The following SLC35F1 variants were observed in gnomAD, a reference collection of about 807,000 sequenced individuals.
The protein encoded by SLC35F1 is solute carrier family 35 member F1, also known as chromosome 6 open reading frame 169.
In SLC35F1, 14 loss-of-function variants were observed where a neutral mutation model predicts 48.7. That is an observed-to-expected ratio of 0.29 (90% CI 0.19 to 0.45). The LOEUF (loss-of-function observed/expected upper bound fraction) is 0.45, where lower values mean the gene tolerates loss of function less well. Ranked by LOEUF, SLC35F1 falls within the 20% of genes least tolerant of loss-of-function variation. The pLI is 1.00. For synonymous variants in SLC35F1, 190 were observed against 202.2 expected, an observed-to-expected ratio of 0.94 and a Z score of 0.51; for missense variants, 404 against 500.0, an observed-to-expected ratio of 0.81 and a Z score of 1.83.
At chr6:118,046,360 A>G (rs148493350) in intron 1 of SLC35F1, among the ~76,000 whole-genome samples, 17 of 152,268 alleles carry the variant, frequency 1.1e-4, no homozygotes, top group African/African-American at 2.4e-4. Flanking sequence ...GCTCCTTTAC[A>G]TACTTGTCTA....
At chr6:117,947,806 T>C (rs569732431) in intron 1 of SLC35F1, among the ~76,000 whole-genome samples, 1 of 152,106 alleles carries the variant, frequency 6.6e-6, no homozygotes, top group Non-Finnish European at 1.5e-5. Flanking sequence ...CAATTGAGTA[T>C]AGGAGTCTGG....
chr6:118,124,794 T>G (rs1447233841), intron 1 of SLC35F1, among the ~76,000 whole-genome samples: 1 of 152,178 alleles, frequency 6.6e-6, no homozygotes, highest in East Asian at 1.9e-4. Flanking sequence ...ATTCCATATA[T>G]TCTCACAGTA....
chr6:117,976,572 A>G (rs1320400959), intron 1 of SLC35F1, among the ~76,000 whole-genome samples: 1 of 152,192 alleles, frequency 6.6e-6, no homozygotes, highest in African/African-American at 2.4e-5. Flanking sequence ...ATATGTAAAT[A>G]TAAATGTTTA....
chr6:118,000,707 C>T (rs919638004), intron 1 of SLC35F1, among the ~76,000 whole-genome samples: 25 of 152,208 alleles, frequency 1.6e-4, no homozygotes, highest in African/African-American at 5.5e-4. Context: ...ACCCCATTGT[C>T]TCAGCTCAAA....
intron 1 of SLC35F1, among the ~76,000 whole-genome samples, chr6:118,033,080 T>G (rs1291237841): frequency 6.6e-6 from 1 of 152,178 alleles, no homozygotes. Flanking sequence ...AACATAATTA[T>G]TTTATTCAGC....
At chr6:118,280,089 TA>T (rs1246999307) in intron 6 of SLC35F1, among the ~76,000 whole-genome samples, 1 of 152,234 alleles carries the variant, frequency 6.6e-6, no homozygotes, top group Non-Finnish European at 1.5e-5. Context: ...ATAGAGCAAT[TA>T]AAAGCAAGAA....
At chr6:118,208,775 G>T (rs777802822) in intron 2 of SLC35F1, among the ~76,000 whole-genome samples, 3 of 152,052 alleles carry the variant, frequency 2.0e-5, no homozygotes, top group Non-Finnish European at 2.9e-5. Context: ...CAAGTGTGGC[G>T]CTGTGGCATG....
chr6:118,203,006 A>T (rs1445618293), intron 2 of SLC35F1, among the ~76,000 whole-genome samples: 2 of 152,222 alleles, frequency 1.3e-5, no homozygotes, highest in African/African-American at 4.8e-5. Context: ...AAAAAGCCTG[A>T]ACTAACATCT....
chr6:117,929,641 T>C (rs1776075436), intron 1 of SLC35F1, among the ~76,000 whole-genome samples: 1 of 152,098 alleles, frequency 6.6e-6, no homozygotes, highest in Non-Finnish European at 1.5e-5. Flanking sequence ...GCTGAATTTC[T>C]TCTTCTCTGG....
intron 1 of SLC35F1, among the ~76,000 whole-genome samples, chr6:118,099,552 C>T (rs1019405343): frequency 2.0e-5 from 3 of 151,298 alleles, no homozygotes; most frequent in African/African-American, 4.9e-5. Context: ...AATTCCTATA[C>T]TCAGTGGTTA....
At chr6:118,216,709 A>G (rs1343589904) in intron 2 of SLC35F1, among the ~76,000 whole-genome samples, 3 of 152,182 alleles carry the variant, frequency 2.0e-5, no homozygotes. Context: ...GAAGACTTCA[A>G]AATGCTAAAC....
intron 1 of SLC35F1, among the ~76,000 whole-genome samples, chr6:118,048,660 T>C (rs1582637922): frequency 6.6e-6 from 1 of 152,130 alleles, no homozygotes; most frequent in Non-Finnish European, 1.5e-5. Flanking sequence ...TTACAAGGGA[T>C]GTGAAGGACC....
chr6:118,040,410 A>G (rs1476074214), intron 1 of SLC35F1, among the ~76,000 whole-genome samples: 1 of 152,166 alleles, frequency 6.6e-6, no homozygotes. Context: ...ATCAGCGAAA[A>G]GGGATGGATT....
At chr6:118,211,156 T>C (rs1774996742) in intron 2 of SLC35F1, among the ~76,000 whole-genome samples, 1 of 152,198 alleles carries the variant, frequency 6.6e-6, no homozygotes. Context: ...CTTGGAATTC[T>C]AGCCTCCAAA....
At chr6:117,919,501 T>G (rs535194116) in intron 1 of SLC35F1, among the ~76,000 whole-genome samples, 1 of 152,248 alleles carries the variant, frequency 6.6e-6, no homozygotes, top group Non-Finnish European at 1.5e-5. Flanking sequence ...CGCTGTCATC[T>G]GGCCTGTGAT....
chr6:118,013,304 A>G (rs995192451), intron 1 of SLC35F1, among the ~76,000 whole-genome samples: 2 of 152,006 alleles, frequency 1.3e-5, no homozygotes, highest in Non-Finnish European at 2.9e-5. Context: ...TTGGTTGGGG[A>G]GGGTGTGGAC....
At position 117,939,008 on chromosome 6, in the gene SLC35F1, C is replaced by T. The variant is rs1331845015; in HGVS notation, c.173+31109C>T. 1.3e-4 allele frequency among the ~76,000 whole-genome samples: 17 copies of T among 132,062 alleles called. No individual in the cohort carries two copies. In the South Asian group the frequency reaches 3.0e-3, roughly 23 times the overall value. The allele number at this position is 132,062 out of a possible 152,430, so 86.6% of individuals were successfully genotyped here. A position where few individuals can be genotyped will look rare whatever the true frequency, so the allele number is the denominator to read the frequency against. The stretch of plus-strand genomic sequence containing the variant: ...GCCTGTATGTGCTTGAATTCTTGTT[C>T]TTTTTTTTTTTTTTTTTCCGGAGAC... On this transcript the variant is annotated intron_variant, in intron 1 of 7. Coordinates refer to ENST00000360388, the MANE Select transcript of SLC35F1 (RefSeq NM_001029858.4).
chr6:118,079,070 T>C (rs1239121435), intron 1 of SLC35F1, among the ~76,000 whole-genome samples: 5 of 152,232 alleles, frequency 3.3e-5, no homozygotes, highest in African/African-American at 9.6e-5. Flanking sequence ...GTATACAATT[T>C]TTTTGTGTGT....
chr6:117,932,402 G>GTA (rs1214600465), intron 1 of SLC35F1, among the ~76,000 whole-genome samples: 1 of 152,174 alleles, frequency 6.6e-6, no homozygotes, highest in African/African-American at 2.4e-5. Context: ...AGATCAAGTA[G>GTA]TAGAGCTGAG....
Sources: gnomAD v4.1 joint callset for allele counts (sites outside exome capture counted in the v4.1 genomes callset) on GRCh38, gnomAD v4.1.1 for gene constraint, MANE v1.5 for transcripts, NCBI Gene and HGNC (gene_info 2026-07-23, HGNC 2026-07-21) for gene names.